The following SOX6 variants were observed in gnomAD, a reference collection of about 807,000 sequenced individuals.
SOX6 encodes SRY-box transcription factor 6, also known as transcription factor SOX-6.
In SOX6, 11 loss-of-function variants were observed where a neutral mutation model predicts 97.8. The observed-to-expected ratio is 0.11, with a 90% CI of 0.07 to 0.19. SOX6 has a LOEUF of 0.19. Among genes scored for constraint, SOX6 ranks in the 10% least tolerant of loss-of-function variants. SOX6 has a pLI of 1.00. For missense variants in SOX6, 810 were observed against 1,039.5 expected (o/e 0.78, Z 3.04); for synonymous variants, 360 against 371.4 (o/e 0.97, Z 0.35).
intron 3 of SOX6, among the ~76,000 whole-genome samples, chr11:16,621,320 A>G (rs940096229): frequency 1.3e-5 from 2 of 152,198 alleles, no homozygotes; most frequent in Admixed American, 6.5e-5. Flanking sequence ...TTCCAAATGT[A>G]TAGGTGTGGG....
At chr11:16,588,864 T>G (rs950222368) in intron 4 of SOX6, among the ~76,000 whole-genome samples, 1 of 151,964 alleles carries the variant, frequency 6.6e-6, no homozygotes, top group Non-Finnish European at 1.5e-5. Flanking sequence ...CACTGTCTCT[T>G]TTTTAAAAAT....
chr11:16,486,841 C>G (rs1201130542), intron 4 of SOX6, among the ~76,000 whole-genome samples: 1 of 151,700 alleles, frequency 6.6e-6, no homozygotes, highest in African/African-American at 2.4e-5. Context: ...GAGCGAGACT[C>G]CATCTCAAAA....
At chr11:16,117,125 G>A (rs1849367787) in intron 6 of SOX6, among the ~76,000 whole-genome samples, 2 of 152,100 alleles carry the variant, frequency 1.3e-5, no homozygotes, top group Non-Finnish European at 2.9e-5. Flanking sequence ...CAAGCCGGGT[G>A]GATCAAGAGG....
chr11:16,405,896 A>G (rs911625546), intron 1 of SOX6, among the ~76,000 whole-genome samples: 5 of 152,012 alleles, frequency 3.3e-5, no homozygotes, highest in African/African-American at 1.2e-4. Context: ...CCTTCTGTTT[A>G]CTGACTCCAC....
rs776876715 is a variant in SOX6, at chr11:16,341,081, T to C, written c.168A>G (p.Leu56=). Residue 56 remains leucine (L), a synonymous_variant, in exon 2 of 16, where the codon CTA becomes CTG. Coordinates refer to ENST00000683767, the MANE Select transcript of SOX6 (RefSeq NM_001367873.1). ...GTTGAATGGTACTGACAAGTGTTGG[T>C]AGCTCCTCAGAGTGAGGTTTGTTGT... The part of the protein sequence containing the change: ...IMHNKPHSEE[L]PTLVSTIQQD... 16 of 1,613,398 alleles carry C rather than the reference T, an allele frequency of 9.9e-6. No individual in the cohort carries two copies. The Admixed American group carries it at 2.7e-4, about 27-fold the overall frequency.
At chr11:15,998,287 C>A (rs928034152) in intron 13 of SOX6, among the ~76,000 whole-genome samples, 5 of 150,338 alleles carry the variant, frequency 3.3e-5, no homozygotes, top group Admixed American at 1.3e-4. Flanking sequence ...TTTCTTTATA[C>A]TAGCAACAAA....
chr11:16,096,164 T>G (rs1331056165), intron 8 of SOX6, 46 bp from the exon 9 acceptor site: 28 of 1,592,970 alleles, frequency 1.8e-5, no homozygotes, highest in Non-Finnish European at 2.4e-5. Context: ...CAAAACATAC[T>G]GTCAGAACTC....
At chr11:16,567,455 C>T (rs2133196282) in intron 4 of SOX6, 1 of 152,112 alleles carries the variant, frequency 6.6e-6, no homozygotes, top group South Asian at 2.1e-4. Context: ...CGGTTGGTGG[C>T]CATTGTTGTT....
intron 9 of SOX6, among the ~76,000 whole-genome samples, chr11:16,086,020 C>T (rs934468179): frequency 3.3e-5 from 5 of 152,146 alleles, no homozygotes; most frequent in African/African-American, 1.2e-4. Flanking sequence ...GACACTTTCC[C>T]CACAAGCTTC....
At chr11:16,382,437 T>G (rs1857851512) in intron 1 of SOX6, 1 of 152,046 alleles carries the variant, frequency 6.6e-6, no homozygotes, top group Non-Finnish European at 1.5e-5. Context: ...ATCTTTGTCT[T>G]GCACATGCAC....
At chr11:16,177,942 G>C (rs925541458) in intron 6 of SOX6, among the ~76,000 whole-genome samples, 5 of 151,878 alleles carry the variant, frequency 3.3e-5, no homozygotes, top group Non-Finnish European at 7.4e-5. Flanking sequence ...GGAGAGAGCT[G>C]GGGAGTACAG....
chr11:15,996,342 A>G (rs999433702), intron 13 of SOX6, among the ~76,000 whole-genome samples: 15 of 152,174 alleles, frequency 9.9e-5, no homozygotes, highest in African/African-American at 3.6e-4. Flanking sequence ...AAAAAAATAC[A>G]AAGAGGCCAG....
At chr11:16,385,694 T>C (rs1397184896) in intron 1 of SOX6, among the ~76,000 whole-genome samples, 2 of 152,160 alleles carry the variant, frequency 1.3e-5, no homozygotes, top group Non-Finnish European at 2.9e-5. Flanking sequence ...AAGCTTTTCA[T>C]GATGCTTAAA....
chr11:16,699,206 C>T lies in SOX6; in HGVS notation n.429+15624G>A, dbSNP rs533019492. ...AGTAAATGTTTAGCATATATTTTCT[C>T]ATTTATTTTTTGTCTTCACAATAGT... On this transcript the variant is annotated intron_variant and non_coding_transcript_variant, in intron 3 of 5. Transcript: ENST00000524520. Among the ~76,000 whole-genome samples, 3 of 152,218 alleles carry T rather than the reference C, an allele frequency of 2.0e-5. No individual in the cohort carries two copies. In the East Asian group the frequency reaches 5.8e-4, roughly 29 times the overall value.
intron 3 of SOX6, chr11:16,317,731 T>C (rs1046133489): frequency 6.2e-6 from 1 of 161,058 alleles, no homozygotes; most frequent in African/African-American, 2.4e-5. Flanking sequence ...TCCAGAACTA[T>C]TAATTACTCT....
intron 6 of SOX6, among the ~76,000 whole-genome samples, chr11:16,131,694 C>T (rs945046883): frequency 4.0e-5 from 6 of 151,880 alleles, no homozygotes; most frequent in African/African-American, 1.2e-4. Flanking sequence ...TGGAGGAAGG[C>T]TAAACAAATT....
At chr11:16,445,202 A>C (rs1456596887) in intron 1 of SOX6, among the ~76,000 whole-genome samples, 2 of 152,210 alleles carry the variant, frequency 1.3e-5, no homozygotes, top group East Asian at 3.9e-4. Context: ...ATACATAAAC[A>C]TGGTAACACT....
At chr11:16,673,900 C>G (rs1278246043) in intron 3 of SOX6, among the ~76,000 whole-genome samples, 2 of 152,038 alleles carry the variant, frequency 1.3e-5, no homozygotes, top group Non-Finnish European at 2.9e-5. Context: ...TTAAAAATAT[C>G]ATTCATCGGC....
At chr11:16,432,512 AG>A (rs1180438387) in intron 1 of SOX6, among the ~76,000 whole-genome samples, 1 of 152,266 alleles carries the variant, frequency 6.6e-6, no homozygotes, top group East Asian at 1.9e-4. Context: ...GAATTATTTT[AG>A]ATGTATCCAA....
Sources: gnomAD v4.1 joint callset for allele counts (sites outside exome capture counted in the v4.1 genomes callset) on GRCh38, gnomAD v4.1.1 for gene constraint, MANE v1.5 for transcripts, NCBI Gene and HGNC (gene_info 2026-07-23, HGNC 2026-07-21) for gene names.